TOGARAM2: variants seen among roughly 807,000 people sequenced by gnomAD.
TOGARAM2 encodes the protein TOG array regulator of axonemal microtubules protein 2.
TOGARAM2 carries 85 observed loss-of-function variants against 93.3 expected under a neutral mutation model. The ratio of observed to expected loss-of-function variants is 0.91; its 90% CI spans 0.76 to 1.09. TOGARAM2 has a LOEUF of 1.09. TOGARAM2 is among the 50% of genes least tolerant of loss of function. The pLI is 0.00. For synonymous variants in TOGARAM2, 593 were observed against 552.8 expected, an observed-to-expected ratio of 1.07 and a Z score of -1.02; for missense variants, 1,277 against 1,334.5, an observed-to-expected ratio of 0.96 and a Z score of 0.67.
chr2:29,011,559 G>T, intron 7 of TOGARAM2, 58 bp downstream of exon 7: 1 of 1,510,420 alleles, frequency 6.6e-7, no homozygotes. Context: ...TTCCTGGGCT[G>T]GGTCAGGGAA....
intron 6 of TOGARAM2, among the ~76,000 whole-genome samples, chr2:29,006,211 TTGTGTGTGTG>T (rs1663817383): frequency 7.6e-6 from 1 of 131,976 alleles, no homozygotes; most frequent in Non-Finnish European, 1.6e-5. Context: ...GTGCATGTGT[TTGTGTGTGTG>T]ACTGTGTGTG....
chr2:29,044,297 G>C (rs1666606858), intron 18 of TOGARAM2, among the ~76,000 whole-genome samples: 1 of 152,192 alleles, frequency 6.6e-6, no homozygotes, highest in South Asian at 2.1e-4. Context: ...AGCCATCTTT[G>C]CAAGTACATT....
At chr2:29,010,763 C>G (rs944152232) in intron 6 of TOGARAM2, among the ~76,000 whole-genome samples, 1 of 152,054 alleles carries the variant, frequency 6.6e-6, no homozygotes, top group Non-Finnish European at 1.5e-5. Flanking sequence ...ATGCTCCATT[C>G]CCAGTGTCTA....
Position 29,022,290 on chromosome 2 carries a change from G to T in TOGARAM2, c.1493G>T (p.Cys498Phe). 6.2e-7 allele frequency: 1 copy of T among 1,614,006 alleles called. No homozygotes were observed. ...CTGGGGCTGAGGGATGCACTCCAGT[G>T]CCTCAACAGCAGTGACTGGTGAGGA... ...PELGLRDALQ[C>F]LNSSDWQMKE... Residue 498 changes from cysteine to phenylalanine, a missense_variant, in exon 11 of 20, where the codon TGC becomes TTC. Physicochemically the swap from Cys to Phe is radical, Grantham distance 205 (BLOSUM62 -2). Coordinates refer to ENST00000379558, the MANE Select transcript of TOGARAM2 (RefSeq NM_199280.4).
chr2:29,045,109 G>T (rs920293515), intron 18 of TOGARAM2, among the ~76,000 whole-genome samples: 9 of 152,180 alleles, frequency 5.9e-5, no homozygotes, highest in Non-Finnish European at 1.5e-5. Flanking sequence ...AGGCCTGTTT[G>T]GGAGCCAGTT....
intron 14 of TOGARAM2, among the ~76,000 whole-genome samples, chr2:29,030,463 A>G (rs894750161): frequency 2.0e-5 from 3 of 151,090 alleles, no homozygotes; most frequent in Non-Finnish European, 3.0e-5. Flanking sequence ...CATGCAACGA[A>G]AAAAAAAAGG....
At chr2:28,979,227 T>C (rs1340302637), upstream of TOGARAM2, among the ~76,000 whole-genome samples, 3 of 152,098 alleles carry the variant, frequency 2.0e-5, no homozygotes, top group Non-Finnish European at 4.4e-5. Flanking sequence ...GCCTGCTCCT[T>C]ACCTCGGGGA....
At chr2:29,005,798 A>G (rs1387043143) in intron 6 of TOGARAM2, among the ~76,000 whole-genome samples, 11 of 98,610 alleles carry the variant, frequency 1.1e-4, no homozygotes, top group Admixed American at 4.1e-4. Context: ...GTGCATGTGT[A>G]TGAGTGCATG....
intron 1 of TOGARAM2, among the ~76,000 whole-genome samples, chr2:28,970,430 A>C (rs1328001913): frequency 6.6e-5 from 10 of 152,208 alleles, no homozygotes; most frequent in Admixed American, 6.5e-4. Context: ...ATGATCTAAT[A>C]TATAAAGCGC....
At chr2:29,031,119 T>C (rs1347573720) in intron 14 of TOGARAM2, among the ~76,000 whole-genome samples, 1 of 152,242 alleles carries the variant, frequency 6.6e-6, no homozygotes, top group Non-Finnish European at 1.5e-5. Context: ...TCACAGTTGC[T>C]GTTGGGCTTC....
At position 28,981,381 on chromosome 2, in the gene TOGARAM2, G is replaced by C. The variant is rs1465662836; in HGVS notation, c.-268G>C. ...CACCCAGCCCCTGCTCAGACAGGAG[G>C]CTGCGGCCCAGGACTGTGTGGCTGG... On this transcript the variant is annotated 5_prime_UTR_variant, in exon 1 of 20. Coordinates refer to ENST00000379558, the MANE Select transcript of TOGARAM2 (RefSeq NM_199280.4). 1 of 152,352 alleles carries C rather than the reference G, an allele frequency of 6.6e-6. No individual in the cohort carries two copies. Among genetic ancestry groups the C allele is most frequent in the Non-Finnish European group, 1.5e-5 (1 of 68,136 alleles). 9.4% of individuals were successfully genotyped at this position (152,352 alleles called of 1,614,324 possible). A position where few individuals can be genotyped will look rare whatever the true frequency, so the allele number is the denominator to read the frequency against.
At chr2:28,961,780 C>A (rs986943210) in intron 1 of TOGARAM2, among the ~76,000 whole-genome samples, 2 of 152,220 alleles carry the variant, frequency 1.3e-5, no homozygotes, top group Non-Finnish European at 2.9e-5. Context: ...TGTGCAGCTT[C>A]CCAATTAATC....
chr2:28,976,429 C>T (rs146893568), upstream of TOGARAM2, among the ~76,000 whole-genome samples: 132 of 152,326 alleles, frequency 8.7e-4, 1 homozygote, highest in East Asian at 0.01. Flanking sequence ...CCATTAGCTT[C>T]TGGAGTTATT....
In TOGARAM2 at chr2:29,036,537, AT is replaced by A. The variant is rs1310131097; in HGVS notation, c.2419-3del. The A allele has an allele frequency of 6.2e-7, 1 of 1,613,836 alleles. No homozygotes were observed. The highest frequency in any genetic ancestry group is 1.3e-5 in the African/African-American group (1 of 74,980). ...TGGGCTCTTGGTTTCTGTTTCTTCA[AT>A]AGGTCTTTGATGCTTTCACCCCAAG... is the stretch of plus-strand genomic sequence containing the variant. On this transcript the variant is annotated splice_region_variant and splice_polypyrimidine_tract_variant and intron_variant, in intron 17 of 19. Transcript: ENST00000379558.
chr2:29,001,856 C>CTT (rs11324817), intron 4 of TOGARAM2, among the ~76,000 whole-genome samples: 1 of 147,566 alleles, frequency 6.8e-6, no homozygotes. Flanking sequence ...AAATGCTAGT[C>CTT]TTTTTTTTTT....
chr2:28,997,087 G>T (rs945721266), intron 2 of TOGARAM2, among the ~76,000 whole-genome samples: 1 of 152,092 alleles, frequency 6.6e-6, no homozygotes, highest in African/African-American at 2.4e-5. Flanking sequence ...AAAAGCACAG[G>T]CAACAAAAGC....
chr2:28,992,006 G>A (rs1353128615), intron 1 of TOGARAM2, among the ~76,000 whole-genome samples: 1 of 152,138 alleles, frequency 6.6e-6, no homozygotes, highest in Non-Finnish European at 1.5e-5. Flanking sequence ...GAATCCACTG[G>A]CTCATTTAGC....
chr2:28,982,154 G>A (rs1672226962), intron 1 of TOGARAM2, among the ~76,000 whole-genome samples: 1 of 152,230 alleles, frequency 6.6e-6, no homozygotes, highest in African/African-American at 2.4e-5. Flanking sequence ...ACAGTCAGGA[G>A]GGCAGCTGGC....
rs377130863 is a variant in TOGARAM2 at position 29,003,653 on chromosome 2, C to T, written c.801C>T (p.Val267=). The T allele has an allele frequency of 1.9e-6, 3 of 1,577,610 alleles. No individual in the cohort carries two copies. The highest frequency in any genetic ancestry group is 2.8e-5 in the African/African-American group (2 of 72,616). Residue 267 remains valine, a synonymous_variant, in exon 6 of 20, where the codon GTC becomes GTT. Transcript: ENST00000379558. ...LPSPLPPGQG[V]LTGLRAPRTR... ...GCCCGTTACCTCCAGGCCAGGGAGT[C>T]CTCACAGGCCTGAGGGCCCCACGCA... is the stretch of plus-strand genomic sequence containing the variant.
Sources: gnomAD v4.1 joint callset for allele counts (sites outside exome capture counted in the v4.1 genomes callset) on GRCh38, gnomAD v4.1.1 for gene constraint, MANE v1.5 for transcripts, NCBI Gene and HGNC (gene_info 2026-07-23, HGNC 2026-07-21) for gene names.